Variants in FNTA observed in about 807,000 individuals in gnomAD.
The protein encoded by FNTA is protein farnesyltransferase/geranylgeranyltransferase type-1 subunit alpha.
In FNTA, 27 loss-of-function variants were observed where a neutral mutation model predicts 55.2. That is an observed-to-expected ratio of 0.49 (90% confidence interval 0.36 to 0.67). FNTA has a LOEUF of 0.67. FNTA is among the 30% of genes least tolerant of loss of function. The pLI, the probability that FNTA is intolerant of heterozygous loss-of-function variation, is 0.00. For missense variants in FNTA, 422 were observed against 464.7 expected (o/e 0.91, Z 0.85); for synonymous variants, 176 against 170.7 (o/e 1.03, Z -0.24).
chr8:43,077,390 T>A, intron 6 of FNTA, 26 bp downstream of exon 6: 1 of 1,583,960 alleles, frequency 6.3e-7, no homozygotes, highest in South Asian at 1.1e-5. Flanking sequence ...CACTTGCTCA[T>A]TCGTTACAAA....
At chr8:43,084,073 A>G (rs75605986) in intron 7 of FNTA, among the ~76,000 whole-genome samples, 2 of 145,456 alleles carry the variant, frequency 1.4e-5, no homozygotes, top group Non-Finnish European at 3.0e-5. Context: ...TGTCTCAAAG[A>G]AAAAAAAAAA....
At chr8:43,074,184 A>G (rs1180780340) in intron 5 of FNTA, among the ~76,000 whole-genome samples, 1 of 152,136 alleles carries the variant, frequency 6.6e-6, no homozygotes, top group Non-Finnish European at 1.5e-5. Flanking sequence ...ATTTTACTGT[A>G]TTTCATGTAT....
intron 1 of FNTA, among the ~76,000 whole-genome samples, chr8:43,057,744 G>A (rs1032958884): frequency 1.3e-5 from 2 of 152,090 alleles, no homozygotes; most frequent in Non-Finnish European, 1.5e-5. Context: ...GATCACCTGA[G>A]GTCAGGAGTT....
chr8:43,057,980 GGAAAA>G (rs1810449874), intron 1 of FNTA, among the ~76,000 whole-genome samples: 1 of 150,942 alleles, frequency 6.6e-6, no homozygotes. Context: ...AAAAGTGAAA[GGAAAA>G]GAATATAAGT....
intron 5 of FNTA, among the ~76,000 whole-genome samples, chr8:43,076,147 G>A (rs530187277): frequency 1.3e-5 from 2 of 152,122 alleles, no homozygotes; most frequent in East Asian, 1.9e-4. Flanking sequence ...GGGTTCAAGC[G>A]ATTCTCTTGC....
At chr8:43,061,662 C>CA (rs760899205) in intron 2 of FNTA, among the ~76,000 whole-genome samples, 28 of 151,752 alleles carry the variant, frequency 1.8e-4, no homozygotes, top group Non-Finnish European at 5.9e-5. Flanking sequence ...ATCTCAGAAA[C>CA]AATGTTGAGT....
At chr8:43,080,574 A>G (rs967467221) in intron 6 of FNTA, 1 of 152,168 alleles carries the variant, frequency 6.6e-6, no homozygotes, top group African/African-American at 2.4e-5. Context: ...GCTTTACTGA[A>G]CCTTCCATAT....
At chr8:43,066,015 C>T (rs1211537595) in intron 3 of FNTA, among the ~76,000 whole-genome samples, 1 of 151,014 alleles carries the variant, frequency 6.6e-6, no homozygotes, top group Non-Finnish European at 1.5e-5. Context: ...TTCTTTTTCT[C>T]TTTATGTTCT....
intron 5 of FNTA, among the ~76,000 whole-genome samples, chr8:43,075,489 AT>A (rs958491487): frequency 2.0e-5 from 3 of 150,598 alleles, no homozygotes; most frequent in Admixed American, 1.3e-4. Context: ...CTCTTCCCCC[AT>A]TTTTTTTTAT....
At position 43,068,389 on chromosome 8, in the gene FNTA, C is replaced by T. The variant is rs567733825; in HGVS notation, c.402-1166C>T. Among the ~76,000 whole-genome samples the T allele has an allele frequency of 2.0e-4, 30 of 152,284 alleles. No individual in the cohort carries two copies. The East Asian group carries it at 4.0e-3, about 21-fold the overall frequency. On this transcript the variant is annotated intron_variant, in intron 3 of 8. Transcript: ENST00000302279. ...AAAACTAGACCAGAACTAACGACGTCTTTAGGAAAATTCCTTTTGTTGGTG... is the reference window on the plus strand; with the variant it reads ...AAAACTAGACCAGAACTAACGACGTTTTTAGGAAAATTCCTTTTGTTGGTG...
Position 43,064,809 on chromosome 8 carries a change from CATTTT to C in FNTA, c.401+612_401+616del, listed in dbSNP as rs548445675. On this transcript the variant is annotated intron_variant, in intron 3 of 8. Coordinates refer to ENST00000302279, the MANE Select transcript of FNTA (RefSeq NM_002027.3). ...ATTTGCTTAACTGTTATTATTTTTT[CATTTT>C]ATTTTATTTTATTTTATATTTTTAC... 2.2e-3 allele frequency among the ~76,000 whole-genome samples: 331 copies of C among 151,344 alleles called. 1 individual carries two copies. The highest frequency in any genetic ancestry group is 0.011 in the South Asian group (53 of 4,802).
intron 4 of FNTA, among the ~76,000 whole-genome samples, chr8:43,071,974 T>TA (rs1396862648): frequency 6.6e-6 from 1 of 152,254 alleles, no homozygotes; most frequent in Non-Finnish European, 1.5e-5. Flanking sequence ...TGTTGAAAGA[T>TA]ACTACCAGAT....
rs1218965761 is a variant in FNTA, at chr8:43,085,659, T to G, written c.*377T>G. 5.1e-6 allele frequency: 1 copy of G among 197,538 alleles called. No individual in the cohort carries two copies. Among genetic ancestry groups the G allele is most frequent in the African/African-American group, 2.4e-5 (1 of 42,168 alleles). The allele number at this position is 197,538 out of a possible 1,614,324, so 12.2% of individuals were successfully genotyped here. The stretch of plus-strand genomic sequence containing the variant: ...TGGATGTGAGGTAGCCGAAGTTTGG[T>G]TCAGTAAGCAGGGAATACAGTCGTT... On this transcript the variant is annotated 3_prime_UTR_variant, in exon 9 of 9. Transcript: ENST00000302279.
chr8:43,075,829 G>T (rs1810896981), intron 5 of FNTA, among the ~76,000 whole-genome samples: 1 of 151,780 alleles, frequency 6.6e-6, no homozygotes, highest in Non-Finnish European at 1.5e-5. Flanking sequence ...AAAAATAATA[G>T]AAATTTATAT....
intron 4 of FNTA, chr8:43,070,386 A>G (rs1450037548): frequency 6.6e-6 from 1 of 152,340 alleles, no homozygotes; most frequent in East Asian, 1.9e-4. Context: ...AGATTGTTGT[A>G]TTTCTAAGAA....
intron 5 of FNTA, 79 bp from the exon 6 acceptor site, chr8:43,077,133 CTTTG>C: frequency 1.0e-6 from 1 of 982,620 alleles, no homozygotes; most frequent in East Asian, 2.7e-5. Context: ...GTTCTACCTT[CTTTG>C]TTGTAGTTTT....
chr8:43,079,315 C>G (rs1056803542), intron 6 of FNTA: 2 of 165,988 alleles, frequency 1.2e-5, no homozygotes, highest in African/African-American at 4.8e-5. Flanking sequence ...ACACAGCTGG[C>G]TGAATCTTGT....
chr8:43,068,384 G>C (rs1216874030), intron 3 of FNTA, among the ~76,000 whole-genome samples: 1 of 152,142 alleles, frequency 6.6e-6, no homozygotes, highest in Non-Finnish European at 1.5e-5. Context: ...CAGAACTAAC[G>C]ACGTCTTTAG....
intron 1 of FNTA, 106 bp from the exon 2 acceptor site, chr8:43,058,986 G>A (rs894858116): frequency 4.2e-5 from 34 of 802,146 alleles, no homozygotes; most frequent in Non-Finnish European, 6.2e-5. Flanking sequence ...AGCCCTGTAA[G>A]TTATTAATAT....
Sources: allele counts gnomAD v4.1 joint callset (sites outside exome capture counted in the v4.1 genomes callset), GRCh38; gene constraint gnomAD v4.1.1; transcripts MANE v1.5; gene names NCBI Gene and HGNC (gene_info 2026-07-23, HGNC 2026-07-21).